The following FBXO15 variants were observed in gnomAD, a reference collection of about 807,000 sequenced individuals.
FBXO15 encodes the protein F-box protein 15.
FBXO15 carries 30 observed loss-of-function variants against 49.5 expected under a neutral mutation model. The observed-to-expected ratio is 0.61, with a 90% CI of 0.45 to 0.82. The LOEUF is 0.82. FBXO15 is among the 40% of genes least tolerant of loss of function. The pLI is 0.00. For missense variants in FBXO15, 591 were observed against 631.5 expected, an observed-to-expected ratio of 0.94 and a Z score of 0.69; for synonymous variants, 250 against 232.7, an observed-to-expected ratio of 1.07 and a Z score of -0.68.
Position 74,075,009 on chromosome 18 carries a change from G to C in FBXO15, c.1264-1279C>G, listed in dbSNP as rs1912201877. Among the ~76,000 whole-genome samples the C allele has an allele frequency of 6.6e-6, 1 of 152,184 alleles. No homozygotes were observed. The highest frequency in any genetic ancestry group is 2.4e-5 in the African/African-American group (1 of 41,448). ...CAGGTCCAGCAAAACCCCAGCCCCA[G>C]AGGAGCGCAGTTATTTTCTATCTGT... On this transcript the variant is annotated intron_variant, in intron 9 of 9. Coordinates refer to ENST00000419743, the MANE Select transcript of FBXO15 (RefSeq NM_001142958.2). The surrounding 1 kb of genome is among the most constrained non-coding windows in gnomAD (Gnocchi z 4.1).
In FBXO15 at chr18:74,135,847, G is replaced by C; in HGVS notation, c.247C>G (p.Leu83Val). 1 of 1,611,290 alleles carries C rather than the reference G, an allele frequency of 6.2e-7. No individual in the cohort carries two copies. Among genetic ancestry groups the C allele is most frequent in the Non-Finnish European group, 8.5e-7 (1 of 1,179,330 alleles). The change falls in exon 3 of 10, where the codon CTG becomes GTG. Residue 83 changes from leucine (L) to valine (V), a missense_variant. Coordinates refer to ENST00000419743, the MANE Select transcript of FBXO15 (RefSeq NM_001142958.2). ...FLDGMPSEIL[L>V]KIFSYLDAVS... ...GCATCCAAGTAGGAAAATATCTTCA[G>C]CAAGATTTCTGAAGGCATTCTGCAA...
intron 8 of FBXO15, among the ~76,000 whole-genome samples, chr18:74,087,021 A>G (rs1912771695): frequency 6.6e-6 from 1 of 152,236 alleles, no homozygotes; most frequent in Non-Finnish European, 1.5e-5. Flanking sequence ...TGCATATAAA[A>G]GTTATGTTTA....
Position 74,130,474 on chromosome 18 carries a change from T to A in FBXO15, c.517A>T (p.Ile173Phe). The change falls in exon 4 of 10, where the codon ATT (isoleucine) becomes TTT (phenylalanine). Residue 173 changes from isoleucine (I) to phenylalanine (F), a missense_variant. Physicochemically the swap from Ile to Phe is conservative, Grantham distance 21 (BLOSUM62 0). Coordinates refer to ENST00000419743, the MANE Select transcript of FBXO15 (RefSeq NM_001142958.2). ...IASVKAALAD[I>F]LKPVNPYTGL... is the part of the protein sequence containing the mutation. Reference sequence around the variant, plus strand: ...GTGTAAGGGTTGACAGGTTTGAGAATGTCAGCTAGTGCGGCTTTTACAGAT... The same window carrying A: ...GTGTAAGGGTTGACAGGTTTGAGAAAGTCAGCTAGTGCGGCTTTTACAGAT... 1.9e-6 allele frequency: 3 copies of A among 1,614,206 alleles called. No homozygotes were observed. The highest frequency in any genetic ancestry group is 2.5e-6 in the Non-Finnish European group (3 of 1,180,020).
At chr18:74,109,749 T>A (rs779696656) in intron 8 of FBXO15, among the ~76,000 whole-genome samples, 1 of 151,810 alleles carries the variant, frequency 6.6e-6, no homozygotes, top group Non-Finnish European at 1.5e-5. Flanking sequence ...AAACACTGCA[T>A]GTTCTCACTC....
At chr18:74,118,033 G>T (rs1249806669) in intron 8 of FBXO15, among the ~76,000 whole-genome samples, 2 of 150,716 alleles carry the variant, frequency 1.3e-5, no homozygotes, top group Non-Finnish European at 1.5e-5. Flanking sequence ...TTGAGACAGG[G>T]TCTTGCTCTG....
chr18:74,138,192 G>A lies in FBXO15; in HGVS notation c.227+2010C>T, dbSNP rs566405405. ...GCTCCCTCGCACTGCCAAGCTCTGGGAAAGAACAAAAGAAAACAAAACACT... is the reference window on the plus strand; with the variant it reads ...GCTCCCTCGCACTGCCAAGCTCTGGAAAAGAACAAAAGAAAACAAAACACT... On this transcript the variant is annotated intron_variant, in intron 2 of 9. Transcript: ENST00000419743. 3.3e-5 allele frequency among the ~76,000 whole-genome samples: 5 copies of A among 152,220 alleles called. No homozygotes were observed. The South Asian group carries it at 1.0e-3, about 32-fold the overall frequency.
intron 8 of FBXO15, among the ~76,000 whole-genome samples, chr18:74,089,230 C>T (rs1912903477): frequency 6.6e-6 from 1 of 152,100 alleles, no homozygotes; most frequent in Non-Finnish European, 1.5e-5. Context: ...CTTGATTTGG[C>T]TGTCAGCATG....
chr18:74,100,661 A>G (rs1279008920), intron 8 of FBXO15, among the ~76,000 whole-genome samples: 1 of 152,112 alleles, frequency 6.6e-6, no homozygotes, highest in Non-Finnish European at 1.5e-5. Context: ...TTGATAGACC[A>G]TTAGCAAGAT....
intron 8 of FBXO15, among the ~76,000 whole-genome samples, chr18:74,107,781 A>T (rs542236033): frequency 1.3e-5 from 2 of 152,266 alleles, no homozygotes; most frequent in African/African-American, 4.8e-5. Flanking sequence ...CCTCTGGAAA[A>T]GGGAGGGGAA....
rs114232216 is a variant in FBXO15 at position 74,145,111 on chromosome 18, C to A, written c.116+2559G>T. On this transcript the variant is annotated intron_variant, in intron 1 of 9. Transcript: ENST00000419743. Reference sequence around the variant, plus strand: ...TAAGTACCAAATGCTTTTCCCTAATCTGAAACCCTAATTCAGTAACGAATG... The same window carrying A: ...TAAGTACCAAATGCTTTTCCCTAATATGAAACCCTAATTCAGTAACGAATG... Among the ~76,000 whole-genome samples the A allele has an allele frequency of 9.0e-4, 137 of 152,276 alleles. 1 individual carries two copies. Among genetic ancestry groups the A allele is most frequent in the African/African-American group, 3.1e-3 (127 of 41,542 alleles).
At chr18:74,143,655 G>A (rs1359013851) in intron 1 of FBXO15, among the ~76,000 whole-genome samples, 1 of 152,222 alleles carries the variant, frequency 6.6e-6, no homozygotes, top group Non-Finnish European at 1.5e-5. Context: ...TCTCCATAGA[G>A]TTAACAATGT....
intron 8 of FBXO15, among the ~76,000 whole-genome samples, chr18:74,087,604 C>G (rs1340941344): frequency 2.6e-5 from 4 of 152,194 alleles, no homozygotes; most frequent in Admixed American, 6.5e-5. Context: ...ACATTTTATC[C>G]AGTCTACCAC....
intron 3 of FBXO15, chr18:74,130,859 C>A: frequency 3.7e-4 from 182 of 490,596 alleles, no homozygotes; most frequent in Non-Finnish European, 4.1e-4. Flanking sequence ...ACCAAAAACA[C>A]ATTTTAAAAA....
At chr18:74,102,952 G>A (rs1913589059) in intron 8 of FBXO15, among the ~76,000 whole-genome samples, 1 of 152,008 alleles carries the variant, frequency 6.6e-6, no homozygotes, top group Non-Finnish European at 1.5e-5. Flanking sequence ...GGACTCAAGG[G>A]GAAAGGGTGG....
At chr18:74,127,100 CT>C (rs1337401842) in intron 5 of FBXO15, among the ~76,000 whole-genome samples, 2 of 152,204 alleles carry the variant, frequency 1.3e-5, no homozygotes, top group Non-Finnish European at 2.9e-5. Context: ...CAGGCTGGTT[CT>C]TTGTGTATGA....
intron 2 of FBXO15, 49 bp downstream of exon 2, chr18:74,140,153 C>A (rs776172296): frequency 3.4e-6 from 5 of 1,464,370 alleles, no homozygotes; most frequent in Non-Finnish European, 4.6e-6. Flanking sequence ...TCTCTAATAA[C>A]CCCATGCCTA....
At position 74,075,862 on chromosome 18, in the gene FBXO15, G is replaced by A. The variant is rs896250477; in HGVS notation, c.1264-2132C>T. Among the ~76,000 whole-genome samples, 1 of 152,260 alleles carries A rather than the reference G, an allele frequency of 6.6e-6. No individual in the cohort carries two copies. Among genetic ancestry groups the A allele is most frequent in the Non-Finnish European group, 1.5e-5 (1 of 68,010 alleles). ...TCTATGTAATCTCTCCCCATAAATG[G>A]AACTCATCTACATTCACATCCTAAG... On this transcript the variant is annotated intron_variant, in intron 9 of 9. Coordinates refer to ENST00000419743, the MANE Select transcript of FBXO15 (RefSeq NM_001142958.2). This position sits in a 1 kb window ranked among gnomAD's most constrained non-coding sequence, Gnocchi z 4.1.
At chr18:74,103,399 C>G (rs1913609268) in intron 8 of FBXO15, among the ~76,000 whole-genome samples, 1 of 150,792 alleles carries the variant, frequency 6.6e-6, no homozygotes. Context: ...AAGGCCAAGT[C>G]TAATAACTAT....
chr18:74,094,394 C>T (rs187389371), intron 8 of FBXO15, among the ~76,000 whole-genome samples: 2 of 152,278 alleles, frequency 1.3e-5, no homozygotes, highest in East Asian at 3.9e-4. Flanking sequence ...GTGCCTACTC[C>T]CCACTTCGCC....
Sources: allele counts gnomAD v4.1 joint callset (sites outside exome capture counted in the v4.1 genomes callset), GRCh38; gene constraint gnomAD v4.1.1; non-coding constraint Gnocchi (gnomAD v3.1); transcripts MANE v1.5; gene names NCBI Gene and HGNC (gene_info 2026-07-23, HGNC 2026-07-21).